The following ACP1 variants were observed in gnomAD, a reference collection of about 807,000 sequenced individuals.
ACP1 encodes acid phosphatase 1.
A neutral mutation model predicts 23.4 loss-of-function variants in ACP1; 23 were observed. The observed-to-expected ratio is 0.98, with a 90% CI of 0.71 to 1.39. The LOEUF is 1.39. Ranked by LOEUF, ACP1 falls within the 40% of genes most tolerant of loss-of-function variation. ACP1 has a pLI of 0.00. For missense variants in ACP1, 180 were observed against 197.7 expected (o/e 0.91, Z 0.54); for synonymous variants, 72 against 67.2 (o/e 1.07, Z -0.35).
chr2:266,244 C>G (rs1364965611), intron 1 of ACP1: 1 of 152,152 alleles, frequency 6.6e-6, no homozygotes, highest in African/African-American at 2.4e-5. Context: ...TAAACGCTGA[C>G]TAGGTTTTGT....
chr2:271,501 T>A (rs1399882929), intron 1 of ACP1, among the ~76,000 whole-genome samples: 1 of 152,236 alleles, frequency 6.6e-6, no homozygotes, highest in Non-Finnish European at 1.5e-5. Context: ...ATTTTTATTC[T>A]GTTGTATTTC....
chr2:277,178 T>G (rs1670197325), intron 5 of ACP1, 49 bp from the exon 6 acceptor site: 1 of 1,602,646 alleles, frequency 6.2e-7, no homozygotes, highest in African/African-American at 1.3e-5. Context: ...GTTAAGGATG[T>G]TTTTGTTATG....
rs781213826 is a variant in ACP1, at chr2:275,146, A to G, written c.238A>G (p.Lys80Glu). ...PMSHVARQIT[K>E]EDFATFDYIL... ...ACTTCTTATTCAATTTTAGATTACC[A>G]AAGAAGATTTTGCCACATTTGATTA... The change falls in exon 4 of 6, where the codon AAA becomes GAA. Residue 80 changes from lysine (K) to glutamate (E), a missense_variant. Around this residue, in one of 3 missense-constraint regions of ACP1, gnomAD observed 132 missense variants for 124.1 expected, o/e 1.06. Transcript: ENST00000272065. 9 of 1,516,392 alleles carry G rather than the reference A, an allele frequency of 5.9e-6. No individual in the cohort carries two copies. Among genetic ancestry groups the G allele is most frequent in the Non-Finnish European group, 7.2e-6 (8 of 1,104,434 alleles). The allele number at this position is 1,516,392 out of a possible 1,614,324, so 93.9% of individuals were successfully genotyped here.
intron 1 of ACP1, chr2:269,461 T>C (rs1212615211): frequency 9.8e-6 from 4 of 406,822 alleles, no homozygotes; most frequent in African/African-American, 2.1e-5. Context: ...AAGATCCTCA[T>C]TGTATTTGTT....
chr2:277,653 A>C lies in ACP1; in HGVS notation c.*349A>C, dbSNP rs1257433193. The stretch of plus-strand genomic sequence containing the variant: ...TCAACATCTAAGCCTGTTGAGACTT[A>C]GATAATCGAGTCTACCTCTTCAGTA... On this transcript the variant is annotated 3_prime_UTR_variant, in exon 6 of 6. Coordinates refer to ENST00000272065, the MANE Select transcript of ACP1 (RefSeq NM_004300.4). 1.0e-5 allele frequency: 3 copies of C among 294,182 alleles called. No homozygotes were observed. Among genetic ancestry groups the C allele is most frequent in the Admixed American group, 4.6e-5 (1 of 21,948 alleles). The allele number at this position is 294,182 out of a possible 1,614,324, so 18.2% of individuals were successfully genotyped here. A position where few individuals can be genotyped will look rare whatever the true frequency, so the allele number is the denominator to read the frequency against.
chr2:273,920 C>T (rs1398604881), intron 3 of ACP1, among the ~76,000 whole-genome samples: 1 of 152,100 alleles, frequency 6.6e-6, no homozygotes, highest in African/African-American at 2.4e-5. Flanking sequence ...ATCCTAATAA[C>T]ACTTTGGGAG....
At chr2:271,184 TG>T (rs1226175211) in intron 1 of ACP1, among the ~76,000 whole-genome samples, 1 of 151,898 alleles carries the variant, frequency 6.6e-6, no homozygotes. Context: ...TATTGTTTTG[TG>T]AAACAGTAGT....
rs113241277 is a variant in ACP1 at position 272,042 on chromosome 2, G to A, written c.123G>A (p.Arg41=). ...VTDQNISENW[R]VDSAATSGYE... Reference sequence around the variant, plus strand: ...CCATGTTTCTTCCCCTGCAGTGGAGGGTAGACAGCGCGGCAACTTCCGGGT... The same window carrying A: ...CCATGTTTCTTCCCCTGCAGTGGAGAGTAGACAGCGCGGCAACTTCCGGGT... The change falls in exon 3 of 6, where the codon AGG becomes AGA. Residue 41 remains arginine (R), a synonymous_variant. Transcript: ENST00000272065. 3 of 1,614,122 alleles carry A rather than the reference G, an allele frequency of 1.9e-6. No homozygotes were observed. Among genetic ancestry groups the A allele is most frequent in the South Asian group, 1.1e-5 (1 of 91,078 alleles).
intron 3 of ACP1, 199 bp from the exon 4 acceptor site, chr2:274,941 T>C (rs1167114005): frequency 5.3e-6 from 2 of 376,078 alleles, no homozygotes; most frequent in Non-Finnish European, 9.6e-6. Flanking sequence ...AACTTTATAA[T>C]ACAAAATTTC....
Position 277,373 on chromosome 2 carries a change from G to A in ACP1, c.*69G>A. ...CCTGAGGTCCTGCATTTCTCAGTCG[G>A]TGTGTAATCACGTTCCAGGGCCCAA... On this transcript the variant is annotated 3_prime_UTR_variant, in exon 6 of 6. Transcript: ENST00000272065. 1.4e-6 allele frequency: 2 copies of A among 1,413,376 alleles called. No homozygotes were observed. Among genetic ancestry groups the A allele is most frequent in the South Asian group, 1.1e-5 (1 of 87,114 alleles). 87.6% of individuals were successfully genotyped at this position (1,413,376 alleles called of 1,614,324 possible).
At chr2:271,575 C>G (rs1276291824) in intron 1 of ACP1, among the ~76,000 whole-genome samples, 1 of 152,050 alleles carries the variant, frequency 6.6e-6, no homozygotes, top group Admixed American at 6.5e-5. Context: ...TCATTAGTAG[C>G]AACTCTTTAA....
chr2:269,741 C>G (rs907090760), intron 1 of ACP1, among the ~76,000 whole-genome samples: 6 of 152,204 alleles, frequency 3.9e-5, no homozygotes, highest in African/African-American at 9.7e-5. Flanking sequence ...AGAAAGATCA[C>G]TCTCTCCCTT....
intron 4 of ACP1, among the ~76,000 whole-genome samples, chr2:276,305 C>T (rs1286436880): frequency 6.6e-6 from 1 of 152,206 alleles, no homozygotes; most frequent in Non-Finnish European, 1.5e-5. Flanking sequence ...GCCTGCAGTT[C>T]TCATTCCTGC....
At chr2:275,254 C>A in intron 4 of ACP1, 53 bp downstream of exon 4, 1 of 1,007,032 alleles carries the variant, frequency 9.9e-7, no homozygotes, top group Non-Finnish European at 1.5e-6. Context: ...CAGCAGTGGG[C>A]CAAGTAATTT....
chr2:265,970 C>G (rs4447635), intron 1 of ACP1, among the ~76,000 whole-genome samples: 45,602 of 152,020 alleles, frequency 0.3, 7,498 homozygotes, highest in East Asian at 0.59. Flanking sequence ...AAAGTCAAAC[C>G]TAAATATTTC....
At chr2:275,984 T>G (rs969650481) in intron 4 of ACP1, among the ~76,000 whole-genome samples, 1 of 152,258 alleles carries the variant, frequency 6.6e-6, no homozygotes. Flanking sequence ...TTTTAATTTT[T>G]ATTTTTCAGT....
At chr2:271,278 G>A (rs1456795225) in intron 1 of ACP1, among the ~76,000 whole-genome samples, 2 of 152,166 alleles carry the variant, frequency 1.3e-5, no homozygotes, top group Non-Finnish European at 2.9e-5. Context: ...ATTTATTCGA[G>A]GAATTTTTTT....
chr2:274,933 C>A, intron 3 of ACP1: 1 of 365,824 alleles, frequency 2.7e-6, no homozygotes, highest in East Asian at 3.7e-5. Context: ...TTGTATGGAA[C>A]TTTATAATAC....
chr2:269,024 A>G (rs1292303043), intron 1 of ACP1, among the ~76,000 whole-genome samples: 1 of 152,210 alleles, frequency 6.6e-6, no homozygotes, highest in African/African-American at 2.4e-5. Context: ...AGATGCTGAG[A>G]TACTAGGCAT....
Sources: gnomAD v4.1 joint callset for allele counts (sites outside exome capture counted in the v4.1 genomes callset) on GRCh38, gnomAD v4.1.1 for gene constraint, gnomAD v4.1.1 regional missense constraint, MANE v1.5 for transcripts, NCBI Gene and HGNC (gene_info 2026-07-23, HGNC 2026-07-21) for gene names.